Variants in HK2 observed in about 807,000 individuals in gnomAD.
The protein encoded by HK2 is hexokinase-2.
A neutral mutation model predicts 92.9 loss-of-function variants in HK2; 42 were observed. That is an observed-to-expected ratio of 0.45 (90% CI 0.35 to 0.58). The LOEUF is 0.58. HK2 is among the 20% of genes least tolerant of loss of function. HK2 has a pLI of 0.00. For synonymous variants in HK2, 422 were observed against 468.0 expected (o/e 0.90, Z 1.27); for missense variants, 978 against 1,245.1 (o/e 0.79, Z 3.23).
At chr2:74,860,398 G>A (rs1281896008) in intron 2 of HK2, among the ~76,000 whole-genome samples, 1 of 152,128 alleles carries the variant, frequency 6.6e-6, no homozygotes, top group Non-Finnish European at 1.5e-5. Context: ...GTTACCTTGA[G>A]CCCCTTCCCA....
In HK2 at chr2:74,834,144, T is replaced by A. The variant is rs561903440; in HGVS notation, c.-437T>A. ...AATAAGCCACATTGTTGCATGAAACTCCGGCGCAGGAGTCCCGGGCTGCCG... is the reference window on the plus strand; with the variant it reads ...AATAAGCCACATTGTTGCATGAAACACCGGCGCAGGAGTCCCGGGCTGCCG... On this transcript the variant is annotated 5_prime_UTR_variant, in exon 1 of 18. Transcript: ENST00000290573. The surrounding 1 kb of genome is among the most constrained non-coding windows in gnomAD (Gnocchi z 4.2). 4.2e-5 allele frequency: 14 copies of A among 334,488 alleles called. No individual in the cohort carries two copies. Among genetic ancestry groups the A allele is most frequent in the South Asian group, 3.3e-4 (14 of 42,026 alleles). The allele number at this position is 334,488 out of a possible 1,614,324, so 20.7% of individuals were successfully genotyped here. A position where few individuals can be genotyped will look rare whatever the true frequency, so the allele number is the denominator to read the frequency against.
chr2:74,886,172 TGA>T, intron 13 of HK2, 120 bp from the exon 14 acceptor site: 1 of 801,748 alleles, frequency 1.2e-6, no homozygotes, highest in Non-Finnish European at 2.2e-6. Context: ...CTGAATGGAA[TGA>T]GAGGGTCAGC....
chr2:74,839,991 T>TAAAAAA (rs1688265351), intron 1 of HK2, among the ~76,000 whole-genome samples: 1 of 123,904 alleles, frequency 8.1e-6, no homozygotes, highest in Non-Finnish European at 1.6e-5. Flanking sequence ...AGTCTCACTC[T>TAAAAAA]GTCGCCCAGG....
chr2:74,886,616 T>A lies in HK2; in HGVS notation c.2162T>A (p.Phe721Tyr), dbSNP rs1255553652. The A allele has an allele frequency of 8.7e-6, 14 of 1,613,954 alleles. No individual in the cohort carries two copies. The highest frequency in any genetic ancestry group is 1.1e-5 in the Non-Finnish European group (13 of 1,179,996). Residue 721 changes from phenylalanine to tyrosine, a missense_variant, in exon 15 of 18, where the codon TTC becomes TAC. Coordinates refer to ENST00000290573, the MANE Select transcript of HK2 (RefSeq NM_000189.5). ...AFGDNGCLDD[F>Y]RTEFDVAVDE... ...GGGGACAATGGATGCCTAGATGACT[T>A]CCGCACAGAATTTGATGTGGCTGTG...
chr2:74,877,192 A>C lies in HK2; in HGVS notation c.902A>C (p.Tyr301Ser). 6.2e-7 allele frequency: 1 copy of C among 1,614,186 alleles called. No homozygotes were observed. The highest frequency in any genetic ancestry group is 8.5e-7 in the Non-Finnish European group (1 of 1,180,034). ...QLFEKMISGMYMGELVRLILV... is the reference protein window; with the variant it reads ...QLFEKMISGMSMGELVRLILV... Reference sequence around the variant, plus strand: ...TTTGAGAAGATGATCAGTGGGATGTACATGGGGGAGCTGGTGAGGCTTATC... The same window carrying C: ...TTTGAGAAGATGATCAGTGGGATGTCCATGGGGGAGCTGGTGAGGCTTATC... Residue 301 changes from tyrosine to serine, a missense_variant, in exon 8 of 18, where the codon TAC becomes TCC. Around this residue, in one of 3 missense-constraint regions of HK2, gnomAD observed 742 missense variants for 922.5 expected, o/e 0.80. Coordinates refer to ENST00000290573, the MANE Select transcript of HK2 (RefSeq NM_000189.5).
intron 1 of HK2, among the ~76,000 whole-genome samples, chr2:74,835,652 C>G (rs28362963): frequency 6.6e-6 from 1 of 152,154 alleles, no homozygotes; most frequent in Non-Finnish European, 1.5e-5. Context: ...CAGGGGCGCG[C>G]TCAGAATTGA....
chr2:74,855,727 T>C (rs897897739), intron 2 of HK2, among the ~76,000 whole-genome samples: 6 of 152,174 alleles, frequency 3.9e-5, no homozygotes, highest in African/African-American at 1.4e-4. Flanking sequence ...GAGGGGTGTC[T>C]TGGTAATGTT....
intron 2 of HK2, among the ~76,000 whole-genome samples, chr2:74,866,182 A>T (rs918646394): frequency 6.6e-6 from 1 of 151,928 alleles, no homozygotes; most frequent in African/African-American, 2.4e-5. Context: ...GTCAGATGTG[A>T]CTTTTCTCAG....
chr2:74,836,245 C>A (rs1207855171), intron 1 of HK2, among the ~76,000 whole-genome samples: 6 of 152,170 alleles, frequency 3.9e-5, no homozygotes, highest in Non-Finnish European at 2.9e-5. Flanking sequence ...TACCCCAGGA[C>A]ATTTGAATCC....
At chr2:74,848,534 T>C (rs1019403081) in intron 1 of HK2, among the ~76,000 whole-genome samples, 1 of 152,216 alleles carries the variant, frequency 6.6e-6, no homozygotes, top group Non-Finnish European at 1.5e-5. Context: ...GTTCCATAAA[T>C]GCCATAACAT....
chr2:74,869,960 A>G (rs1459514146), intron 3 of HK2, among the ~76,000 whole-genome samples: 2 of 151,116 alleles, frequency 1.3e-5, no homozygotes, highest in Non-Finnish European at 2.9e-5. Context: ...GGCTGGTGTG[A>G]CGGAGGAACT....
At chr2:74,836,475 A>G (rs13411123) in intron 1 of HK2, among the ~76,000 whole-genome samples, 9,979 of 152,258 alleles carry the variant, frequency 0.066, 993 homozygotes, top group African/African-American at 0.22. Flanking sequence ...TCTTTGTGAA[A>G]TGCAATAATA....
In HK2 at chr2:74,834,336, A is replaced by G. The variant is rs2103807112; in HGVS notation, c.-245A>G. ...GCGCCTTGACGTGGGACAACCGGAC[A>G]CGTCGCCAGGAGAGAACTGAGGCGC... On this transcript the variant is annotated 5_prime_UTR_variant, in exon 1 of 18. Transcript: ENST00000290573. The surrounding 1 kb of genome is among the most constrained non-coding windows in gnomAD (Gnocchi z 4.2). 1.7e-6 allele frequency: 1 copy of G among 577,200 alleles called. No individual in the cohort carries two copies. The highest frequency in any genetic ancestry group is 1.9e-5 in the South Asian group (1 of 51,726). 35.8% of individuals were successfully genotyped at this position (577,200 alleles called of 1,614,324 possible). A position where few individuals can be genotyped will look rare whatever the true frequency, so the allele number is the denominator to read the frequency against.
chr2:74,869,351 G>A (rs1469882141), intron 3 of HK2, among the ~76,000 whole-genome samples: 1 of 152,212 alleles, frequency 6.6e-6, no homozygotes, highest in Non-Finnish European at 1.5e-5. Flanking sequence ...TATTTTAGTG[G>A]TGGAATTACT....
Position 74,834,767 on chromosome 2 carries a change from T to C in HK2, c.63+124T>C. ...ACTCCGGGCCTGGGAGCGGAAAAAG[T>C]TTGGGCAGCCGGGACACTCCTGGGC... On this transcript the variant is annotated intron_variant, in intron 1 of 17. Coordinates refer to ENST00000290573, the MANE Select transcript of HK2 (RefSeq NM_000189.5). The surrounding 1 kb of genome is among the most constrained non-coding windows in gnomAD (Gnocchi z 4.2). 4.6e-6 allele frequency: 5 copies of C among 1,078,226 alleles called. No homozygotes were observed. Among genetic ancestry groups the C allele is most frequent in the Non-Finnish European group, 5.6e-6 (4 of 710,364 alleles). The allele number at this position is 1,078,226 out of a possible 1,614,324, so 66.8% of individuals were successfully genotyped here. A position where few individuals can be genotyped will look rare whatever the true frequency, so the allele number is the denominator to read the frequency against.
intron 1 of HK2, among the ~76,000 whole-genome samples, chr2:74,851,199 A>G (rs776965669): frequency 1.3e-5 from 2 of 152,204 alleles, no homozygotes; most frequent in African/African-American, 4.8e-5. Flanking sequence ...GTGGAATCCC[A>G]TCTCTGCCCC....
intron 12 of HK2, among the ~76,000 whole-genome samples, chr2:74,882,474 T>C (rs1039172602): frequency 6.6e-6 from 1 of 151,256 alleles, no homozygotes; most frequent in Non-Finnish European, 1.5e-5. Context: ...TACTCAATGT[T>C]AACAACTGCC....
At chr2:74,837,244 G>A (rs1302656669) in intron 1 of HK2, among the ~76,000 whole-genome samples, 4 of 152,244 alleles carry the variant, frequency 2.6e-5, no homozygotes, top group East Asian at 1.9e-4. Context: ...TCGAAGCCAT[G>A]CATTTGGCTT....
At chr2:74,848,266 C>A (rs534281559) in intron 1 of HK2, among the ~76,000 whole-genome samples, 1 of 152,224 alleles carries the variant, frequency 6.6e-6, no homozygotes, top group African/African-American at 2.4e-5. Context: ...ATTCTAGAGA[C>A]ACTCATTGAT....
Sources: allele counts gnomAD v4.1 joint callset (sites outside exome capture counted in the v4.1 genomes callset), GRCh38; gene constraint gnomAD v4.1.1; regional missense constraint gnomAD v4.1.1; non-coding constraint Gnocchi (gnomAD v3.1); transcripts MANE v1.5; gene names NCBI Gene and HGNC (gene_info 2026-07-23, HGNC 2026-07-21).